The following FGF10 variants were observed in gnomAD, a reference collection of about 807,000 sequenced individuals.
FGF10 encodes fibroblast growth factor 10, also known as FGF-10.
A neutral mutation model predicts 19.8 loss-of-function variants in FGF10; 2 were observed. That is an observed-to-expected ratio of 0.10 (90% CI 0.04 to 0.32). FGF10 has a LOEUF of 0.32. FGF10 is among the 10% of genes least tolerant of loss of function. The pLI, the probability that FGF10 is intolerant of heterozygous loss-of-function variation, is 1.00. For synonymous variants in FGF10, 112 were observed against 94.0 expected (o/e 1.19, Z -1.10); for missense variants, 191 against 246.3 (o/e 0.78, Z 1.50).
chr5:44,375,534 G>A (rs944057728), intron 1 of FGF10, among the ~76,000 whole-genome samples: 1 of 152,194 alleles, frequency 6.6e-6, no homozygotes, highest in Non-Finnish European at 1.5e-5. Context: ...AACGAGGCCA[G>A]GGAGTTGGTA....
intron 1 of FGF10, among the ~76,000 whole-genome samples, chr5:44,338,571 T>C (rs1740901466): frequency 1.3e-5 from 2 of 152,162 alleles, no homozygotes; most frequent in African/African-American, 4.8e-5. Context: ...TCCTAAGGCT[T>C]TGATGTGTTT....
At chr5:44,357,849 C>A (rs1025778141) in intron 1 of FGF10, among the ~76,000 whole-genome samples, 1 of 151,454 alleles carries the variant, frequency 6.6e-6, no homozygotes, top group Non-Finnish European at 1.5e-5. Flanking sequence ...GACCCTCAAG[C>A]TTCCTAGTCT....
chr5:44,371,327 A>G (rs1741737078), intron 1 of FGF10, among the ~76,000 whole-genome samples: 1 of 152,100 alleles, frequency 6.6e-6, no homozygotes, highest in Non-Finnish European at 1.5e-5. Context: ...ATGCGGCTCC[A>G]TGACTTTGGA....
At chr5:44,372,415 A>G (rs1475976885) in intron 1 of FGF10, among the ~76,000 whole-genome samples, 1 of 152,120 alleles carries the variant, frequency 6.6e-6, no homozygotes, top group African/African-American at 2.4e-5. Flanking sequence ...ATCCAGGATA[A>G]TCTCCTCATC....
rs538192045 is a variant in FGF10, at chr5:44,322,887, G to T, written c.326-12357C>A. Among the ~76,000 whole-genome samples, 8 of 151,976 alleles carry T rather than the reference G, an allele frequency of 5.3e-5. No homozygotes were observed. The South Asian group carries it at 6.3e-4, about 12-fold the overall frequency. On this transcript the variant is annotated intron_variant, in intron 1 of 2. Coordinates refer to ENST00000264664, the MANE Select transcript of FGF10 (RefSeq NM_004465.2). ...AATAATAATAATAGAAATAAAGTAC[G>T]CAATAAAAGTAATGTGACTGAATCC...
chr5:44,307,038 G>A (rs897500126), intron 2 of FGF10, among the ~76,000 whole-genome samples: 2 of 152,136 alleles, frequency 1.3e-5, no homozygotes, highest in African/African-American at 2.4e-5. Flanking sequence ...AGAGACTAAT[G>A]AAGGACTGAG....
chr5:44,329,848 A>T (rs1386547051), intron 1 of FGF10, among the ~76,000 whole-genome samples: 2 of 152,134 alleles, frequency 1.3e-5, no homozygotes, highest in Non-Finnish European at 2.9e-5. Context: ...ATCTGGGCAA[A>T]CAACTGTGAA....
chr5:44,335,447 T>A (rs1740825078), intron 1 of FGF10, among the ~76,000 whole-genome samples: 1 of 152,136 alleles, frequency 6.6e-6, no homozygotes, highest in Non-Finnish European at 1.5e-5. Flanking sequence ...ATATTAAGGG[T>A]ACTAAACAAA....
At position 44,334,912 on chromosome 5, in the gene FGF10, G is replaced by A. The variant is rs17227892; in HGVS notation, c.326-24382C>T. Among the ~76,000 whole-genome samples the A allele has an allele frequency of 0.014, 2,110 of 152,198 alleles. 122 individuals are homozygous for A. The East Asian group carries it at 0.21, about 15-fold the overall frequency. ...ATGAGTAAGCATAAGATAAATCCCT[G>A]TATCACAGAAGAACTTTTCCCTTTC... On this transcript the variant is annotated intron_variant, in intron 1 of 2. Transcript: ENST00000264664.
chr5:44,343,155 T>A (rs1435364104), intron 1 of FGF10, among the ~76,000 whole-genome samples: 1 of 152,012 alleles, frequency 6.6e-6, no homozygotes, highest in Non-Finnish European at 1.5e-5. Flanking sequence ...ACTTAAAAAA[T>A]TTTTTTGAAT....
At chr5:44,327,544 A>C (rs1301676122) in intron 1 of FGF10, among the ~76,000 whole-genome samples, 2 of 152,176 alleles carry the variant, frequency 1.3e-5, no homozygotes, top group African/African-American at 4.8e-5. Flanking sequence ...TTGGTCAAGG[A>C]TGTTAAGGTA....
intron 1 of FGF10, among the ~76,000 whole-genome samples, chr5:44,341,360 C>T (rs935962434): frequency 1.1e-4 from 17 of 151,680 alleles, no homozygotes; most frequent in Non-Finnish European, 2.2e-4. Context: ...TACACCACTC[C>T]GTTATACTTC....
At chr5:44,371,481 A>T (rs1447516369) in intron 1 of FGF10, among the ~76,000 whole-genome samples, 1 of 152,106 alleles carries the variant, frequency 6.6e-6, no homozygotes, top group Non-Finnish European at 1.5e-5. Flanking sequence ...TCACCTTTAA[A>T]TATAAAGGGG....
chr5:44,341,739 C>T (rs1032177769), intron 1 of FGF10, among the ~76,000 whole-genome samples: 2 of 151,854 alleles, frequency 1.3e-5, no homozygotes, highest in Non-Finnish European at 2.9e-5. Flanking sequence ...GAATAAGATC[C>T]AAAGTGACTG....
chr5:44,376,670 G>A (rs1741875209), intron 1 of FGF10, among the ~76,000 whole-genome samples: 2 of 151,630 alleles, frequency 1.3e-5, no homozygotes, highest in South Asian at 4.2e-4. Flanking sequence ...ATGATCATTT[G>A]GCAAATCAGA....
intron 1 of FGF10, among the ~76,000 whole-genome samples, chr5:44,316,911 A>G (rs1740364459): frequency 6.6e-6 from 1 of 152,162 alleles, no homozygotes; most frequent in Non-Finnish European, 1.5e-5. Context: ...TAAGAATTTT[A>G]TGGGCTTTTT....
intron 1 of FGF10, among the ~76,000 whole-genome samples, chr5:44,319,126 T>C (rs748031575): frequency 3.9e-5 from 6 of 152,172 alleles, no homozygotes; most frequent in African/African-American, 1.2e-4. Context: ...TTACAAACAG[T>C]TGGCAGCCAG....
chr5:44,320,597 G>T (rs1456647108), intron 1 of FGF10, among the ~76,000 whole-genome samples: 2 of 152,144 alleles, frequency 1.3e-5, no homozygotes, highest in Non-Finnish European at 2.9e-5. Context: ...AGCCTGCTTT[G>T]TATAATATGT....
chr5:44,358,734 T>G (rs1246262885), intron 1 of FGF10, among the ~76,000 whole-genome samples: 1 of 151,506 alleles, frequency 6.6e-6, no homozygotes, highest in Admixed American at 6.6e-5. Context: ...CAACATTTCA[T>G]GAAGAATCTG....
Sources: gnomAD v4.1 joint callset for allele counts (sites outside exome capture counted in the v4.1 genomes callset) on GRCh38, gnomAD v4.1.1 for gene constraint, MANE v1.5 for transcripts, NCBI Gene and HGNC (gene_info 2026-07-23, HGNC 2026-07-21) for gene names.